KDM6B: variants seen among roughly 807,000 people sequenced by gnomAD.
The protein encoded by KDM6B is lysine-specific demethylase 6B.
A neutral mutation model predicts 150.4 loss-of-function variants in KDM6B; 22 were observed. The observed-to-expected ratio is 0.15, with a 90% confidence interval of 0.10 to 0.21. The LOEUF (loss-of-function observed/expected upper bound fraction) is 0.21. Among genes scored for constraint, KDM6B ranks in the 10% least tolerant of loss-of-function variants. KDM6B has a pLI of 1.00. For synonymous variants in KDM6B, 1,148 were observed against 921.1 expected (o/e 1.25, Z -4.46); for missense variants, 1,984 against 2,234.3 (o/e 0.89, Z 2.26).
Position 7,848,078 on chromosome 17 carries a change from C to T in KDM6B, c.1790C>T (p.Pro597Leu), listed in dbSNP as rs764898509. 21 of 1,612,692 alleles carry T rather than the reference C, an allele frequency of 1.3e-5. No individual in the cohort carries two copies. The highest frequency in any genetic ancestry group is 2.5e-6 in the Non-Finnish European group (3 of 1,179,604). ...AGCCCAGCACAGAACCCCCAGGACC[C>T]ACCTCTTGTACCCCTGACTCTTGCC... ...PPSPAQNPQD[P>L]PLVPLTLALP... The change falls in exon 12 of 24, where the codon CCA (proline) becomes CTA (leucine). Residue 597 changes from proline (P) to leucine (L), a missense_variant. By Grantham distance (98) the Pro-to-Leu change is moderately conservative. Transcript: ENST00000448097.
intron 14 of KDM6B, among the ~76,000 whole-genome samples, chr17:7,850,657 CAAA>C (rs2078673580): frequency 6.7e-6 from 1 of 149,950 alleles, no homozygotes; most frequent in African/African-American, 2.5e-5. Context: ...AATGGTAACT[CAAA>C]GAAGCTGCTG....
chr17:7,851,431 T>C lies in KDM6B; in HGVS notation c.3944+37T>C, dbSNP rs975507498. The C allele has an allele frequency of 8.7e-6, 14 of 1,614,044 alleles. 1 individual carries two copies. The Admixed American group carries it at 1.5e-4, about 17-fold the overall frequency. On this transcript the variant is annotated intron_variant, in intron 16 of 23. Transcript: ENST00000448097. ...GTGTGCCCCTTCTGTTCCTGCTTCC[T>C]TCCCCTCCCTCTGCTCTCCACCAAC...
In KDM6B at chr17:7,847,875, G is replaced by T. The variant is rs765919459; in HGVS notation, c.1587G>T (p.Pro529=). 7 of 1,283,300 alleles carry T rather than the reference G, an allele frequency of 5.5e-6. No individual in the cohort carries two copies. In the South Asian group the frequency reaches 8.3e-5, roughly 15 times the overall value. The allele number at this position is 1,283,300 out of a possible 1,614,324, so 79.5% of individuals were successfully genotyped here. ...ATCGCGAGGGCTTCTTGGGGCCTCC[G>T]GCCTCCCGCTTTTCTGTGGGCACTC... is the stretch of plus-strand genomic sequence containing the variant. ...LPHREGFLGP[P]ASRFSVGTQD... The change falls in exon 12 of 24, where the codon CCG becomes CCT. Residue 529 remains proline, a synonymous_variant. Transcript: ENST00000448097.
chr17:7,843,306 C>G lies in KDM6B; in HGVS notation c.-268-1595C>G, dbSNP rs1347659929. On this transcript the variant is annotated intron_variant, in intron 2 of 23. Coordinates refer to ENST00000448097, the MANE Select transcript of KDM6B (RefSeq NM_001348716.2). This position sits in a 1 kb window ranked among gnomAD's most constrained non-coding sequence, Gnocchi z 4.5. ...GTGGGGGCAGTCACGGAGGGCCATACTTGACCACAGTTCAGCGCCGTACCT... is the reference window on the plus strand; with the variant it reads ...GTGGGGGCAGTCACGGAGGGCCATAGTTGACCACAGTTCAGCGCCGTACCT... Among the ~76,000 whole-genome samples the G allele has an allele frequency of 1.3e-5, 2 of 152,110 alleles. No individual in the cohort carries two copies. The highest frequency in any genetic ancestry group is 2.9e-5 in the Non-Finnish European group (2 of 68,004).
chr17:7,846,371 G>GGGGCGGGCGCGGGGGCCCCCC, intron 7 of KDM6B, 29 bp from the exon 8 acceptor site: 1 of 1,488,926 alleles, frequency 6.7e-7, no homozygotes, highest in South Asian at 1.2e-5. Flanking sequence ...CCTGACATCT[G>GGGGCGGGCGCGGGGGCCCCCC]CCCCTGCCCC....
chr17:7,835,118 C>G (rs1424350177), intron 1 of KDM6B, among the ~76,000 whole-genome samples: 1 of 152,116 alleles, frequency 6.6e-6, no homozygotes, highest in East Asian at 1.9e-4. Context: ...GAGGCCCCCA[C>G]TTGACTTCCT....
Position 7,847,733 on chromosome 17 carries a change from C to T in KDM6B, c.1445C>T (p.Pro482Leu), listed in dbSNP as rs1279660289. The change falls in exon 12 of 24, where the codon CCC becomes CTC. Residue 482 changes from proline to leucine, a missense_variant. By Grantham distance (98) the Pro-to-Leu change is moderately conservative. Transcript: ENST00000448097. ...PCPRLLRPPP[P>L]PAWLKGPACR... Reference sequence around the variant, plus strand: ...CCCCGCCTCTTACGCCCCCCACCACCCCCTGCCTGGTTGAAGGGTCCGGCC... The same window carrying T: ...CCCCGCCTCTTACGCCCCCCACCACTCCCTGCCTGGTTGAAGGGTCCGGCC... 1.3e-6 allele frequency: 2 copies of T among 1,543,002 alleles called. No homozygotes were observed. Among genetic ancestry groups the T allele is most frequent in the African/African-American group, 2.8e-5 (2 of 71,842 alleles).
In KDM6B at chr17:7,851,087, C is replaced by G. The variant is rs1290256049; in HGVS notation, c.3740C>G (p.Thr1247Ser). 1 of 1,613,560 alleles carries G rather than the reference C, an allele frequency of 6.2e-7. No homozygotes were observed. Among genetic ancestry groups the G allele is most frequent in the South Asian group, 1.1e-5 (1 of 91,072 alleles). Residue 1247 changes from threonine to serine, a missense_variant, in exon 15 of 24, where the codon ACC becomes AGC. Physicochemically the swap from Thr to Ser is moderately conservative, Grantham distance 58. Transcript: ENST00000448097. ...ASGEHTVEVR[T>S]QVQQPSDENW... ...GGCGAACACACCGTGGAAGTTCGCA[C>G]CCAGGTGCAGCAGCCCTCAGATGAG...
chr17:7,845,789 C>T, intron 5 of KDM6B, 83 bp from the exon 6 acceptor site: 2 of 1,595,434 alleles, frequency 1.3e-6, no homozygotes, highest in East Asian at 4.5e-5. Flanking sequence ...ATTCTGTGGG[C>T]TTCCGTGCAT....
chr17:7,853,415 G>A (rs1328893858), intron 23 of KDM6B, 35 bp downstream of exon 23: 2 of 1,532,610 alleles, frequency 1.3e-6, no homozygotes, highest in South Asian at 2.4e-5. Context: ...CAGCGGAGGA[G>A]GGCACTGGGG....
At position 7,843,612 on chromosome 17, in the gene KDM6B, A is replaced by G. The variant is rs946655520; in HGVS notation, c.-268-1289A>G. ...TTCTCTCAACGAACGCGAACTTTCC[A>G]GCCACCCCCAGCCCCTCGTCGCGCA... is the stretch of plus-strand genomic sequence containing the variant. On this transcript the variant is annotated intron_variant, in intron 2 of 23. Coordinates refer to ENST00000448097, the MANE Select transcript of KDM6B (RefSeq NM_001348716.2). The surrounding 1 kb of genome is among the most constrained non-coding windows in gnomAD (Gnocchi z 4.5). Among the ~76,000 whole-genome samples, 3 of 152,068 alleles carry G rather than the reference A, an allele frequency of 2.0e-5. No individual in the cohort carries two copies. The highest frequency in any genetic ancestry group is 6.5e-5 in the Admixed American group (1 of 15,284).
At position 7,853,191 on chromosome 17, in the gene KDM6B, A is replaced by T; in HGVS notation, c.4738-19A>T. 6.2e-7 allele frequency: 1 copy of T among 1,613,588 alleles called. No homozygotes were observed. Reference sequence around the variant, plus strand: ...AGTGGCCCTCCCTCCCCCTGACTGCACTGTCCTCCCTGCCCCAGGTGGAGG... The same window carrying T: ...AGTGGCCCTCCCTCCCCCTGACTGCTCTGTCCTCCCTGCCCCAGGTGGAGG... On this transcript the variant is annotated intron_variant, in intron 22 of 23. Coordinates refer to ENST00000448097, the MANE Select transcript of KDM6B (RefSeq NM_001348716.2).
chr17:7,850,242 G>C, intron 14 of KDM6B, 65 bp downstream of exon 14: 1 of 1,318,036 alleles, frequency 7.6e-7, no homozygotes, highest in Non-Finnish European at 1.1e-6. Flanking sequence ...AGGACCCTCT[G>C]AGAAATCCCA....
In KDM6B at chr17:7,848,668, C is replaced by G. The variant is rs765716785; in HGVS notation, c.2380C>G (p.Pro794Ala). 4.4e-6 allele frequency: 7 copies of G among 1,608,254 alleles called. No individual in the cohort carries two copies. The African/African-American group carries it at 8.0e-5, about 18-fold the overall frequency. The change falls in exon 12 of 24, where the codon CCA becomes GCA. Residue 794 changes from proline (P) to alanine (A), a missense_variant. Physicochemically the swap from Pro to Ala is conservative, Grantham distance 27 (BLOSUM62 -1). Around this residue, in one of 13 missense-constraint regions of KDM6B, gnomAD observed 1,379 missense variants for 1,275.6 expected, o/e 1.08. Transcript: ENST00000448097. ...TCCACCCTCTCAGCCACAGCCACCA[C>G]CACCCCCACCCCCCAGCCCGGCCAG... ...FPPPSQPQPP[P>A]PPPPSPASLL...
rs763612546 is a variant in KDM6B, at chr17:7,848,569, ACCACG to A, written c.2282_2286del (p.Thr761SerfsTer94). On this transcript the variant is annotated frameshift_variant, in exon 12 of 24. Coordinates refer to ENST00000448097, the MANE Select transcript of KDM6B (RefSeq NM_001348716.2). LOFTEE classifies it high-confidence loss of function. ...CACCACCACCACCACCACCACCACC[ACCACG>A]GCCACCCAGGAAGAGGAGAAGAAGC... 8.7e-6 allele frequency: 13 copies of A among 1,497,384 alleles called. No individual in the cohort carries two copies. Among genetic ancestry groups the A allele is most frequent in the African/African-American group, 1.5e-5 (1 of 65,102 alleles). The allele number at this position is 1,497,384 out of a possible 1,614,324, so 92.8% of individuals were successfully genotyped here. A position where few individuals can be genotyped will look rare whatever the true frequency, so the allele number is the denominator to read the frequency against.
chr17:7,834,871 C>T (rs970531290), intron 1 of KDM6B, among the ~76,000 whole-genome samples: 9 of 152,112 alleles, frequency 5.9e-5, no homozygotes, highest in Non-Finnish European at 1.0e-4. Flanking sequence ...TCGCCTTCTT[C>T]CCACCACCCC....
chr17:7,835,165 A>G (rs2151364636), intron 1 of KDM6B, among the ~76,000 whole-genome samples: 1 of 152,012 alleles, frequency 6.6e-6, no homozygotes, highest in South Asian at 2.1e-4. Context: ...TGTGGGCAGG[A>G]GGTCGCAGCG....
intron 7 of KDM6B, 29 bp from the exon 8 acceptor site, chr17:7,846,371 G>GGGGGGGGGC: frequency 6.7e-7 from 1 of 1,488,920 alleles, no homozygotes; most frequent in Non-Finnish European, 9.2e-7. Context: ...CCTGACATCT[G>GGGGGGGGGC]CCCCTGCCCC....
At chr17:7,845,500 AGCTCTG>A in intron 4 of KDM6B, 44 bp downstream of exon 4, 1 of 1,610,512 alleles carries the variant, frequency 6.2e-7, no homozygotes, top group African/African-American at 1.3e-5. Context: ...GTACACTGGC[AGCTCTG>A]GTTTTGCCTC....
Sources: gnomAD v4.1 joint callset for allele counts (sites outside exome capture counted in the v4.1 genomes callset) on GRCh38, gnomAD v4.1.1 for gene constraint, gnomAD v4.1.1 regional missense constraint, Gnocchi (gnomAD v3.1) non-coding constraint, MANE v1.5 for transcripts, NCBI Gene and HGNC (gene_info 2026-07-23, HGNC 2026-07-21) for gene names.